The following ZPR1 variants were observed in gnomAD, a reference collection of about 807,000 sequenced individuals.
The protein encoded by ZPR1 is ZPR1 zinc finger.
Under a neutral mutation model 59.6 loss-of-function variants are expected in ZPR1, and 37 were observed. The observed-to-expected ratio is 0.62, with a 90% confidence interval of 0.48 to 0.82. The LOEUF is 0.82. ZPR1 is among the 40% of genes least tolerant of loss of function. The pLI is 0.00. For synonymous variants in ZPR1, 191 were observed against 215.2 expected (o/e 0.89, Z 0.99); for missense variants, 527 against 579.9 (o/e 0.91, Z 0.94).
Position 116,778,618 on chromosome 11 carries a change from A to G in ZPR1, c.*307T>C. 3.3e-6 allele frequency: 1 copy of G among 300,618 alleles called. No homozygotes were observed. The highest frequency in any genetic ancestry group is 6.2e-6 in the Non-Finnish European group (1 of 160,656). 18.6% of individuals were successfully genotyped at this position (300,618 alleles called of 1,614,324 possible). On this transcript the variant is annotated 3_prime_UTR_variant, in exon 14 of 14. Coordinates refer to ENST00000227322, the MANE Select transcript of ZPR1 (RefSeq NM_003904.5). ...TCAGAGTTCCAACCTTAGAGGATAG[A>G]GCATTATGTGGAAGGAGGGTGAGGA...
At position 116,775,048 on chromosome 11, in the gene ZPR1, G is replaced by A. The variant is rs1940703892; in HGVS notation, c.*3877C>T. On this transcript the variant is annotated 3_prime_UTR_variant, in exon 14 of 14. Transcript: ENST00000227322. ...TGCCAATGGCCTGCTCTGAGCTTTG[G>A]CCTCTCTCTGCAGTTGTATCTAATA... is the stretch of plus-strand genomic sequence containing the variant. The A allele has an allele frequency of 6.6e-6, 1 of 152,366 alleles. No individual in the cohort carries two copies. The highest frequency in any genetic ancestry group is 2.1e-4 in the South Asian group (1 of 4,830). The allele number at this position is 152,366 out of a possible 1,614,324, so 9.4% of individuals were successfully genotyped here.
rs1940896994 is a variant in ZPR1, at chr11:116,786,969, C to A, written c.424G>T (p.Ala142Ser). The change falls in exon 3 of 14, where the codon GCT (alanine) becomes TCT (serine). Residue 142 changes from alanine to serine, a missense_variant and splice_region_variant. Coordinates refer to ENST00000227322, the MANE Select transcript of ZPR1 (RefSeq NM_003904.5). ...FEIPAFSQKG[A>S]LTTVEGLITR... The stretch of plus-strand genomic sequence containing the variant: ...CCAAATACTCTGATCTTAAACTTAC[C>A]TCCTTTCTGGCTAAAGGCAGGAATT... 1.2e-6 allele frequency: 2 copies of A among 1,613,536 alleles called. No homozygotes were observed. The highest frequency in any genetic ancestry group is 2.7e-5 in the African/African-American group (2 of 74,940).
At chr11:116,784,310 G>A (rs1940853386) in intron 9 of ZPR1, 68 bp downstream of exon 9, 14 of 1,547,506 alleles carry the variant, frequency 9.0e-6, no homozygotes, top group Non-Finnish European at 1.2e-5. Flanking sequence ...AAGTACTTAG[G>A]AAGAATGATA....
At chr11:116,785,425 G>A in intron 6 of ZPR1, 89 bp downstream of exon 6, 2 of 1,549,240 alleles carry the variant, frequency 1.3e-6, no homozygotes, top group South Asian at 2.4e-5. Flanking sequence ...ACACAGAGCA[G>A]CAGCAGCAAA....
chr11:116,783,861 A>G (rs978520875), intron 9 of ZPR1, among the ~76,000 whole-genome samples: 3 of 56,024 alleles, frequency 5.4e-5, no homozygotes, highest in African/African-American at 2.0e-4. Context: ...AATTTACCTT[A>G]AAAAAAAAAA....
chr11:116,785,893 CAG>C lies in ZPR1; in HGVS notation c.496-13_496-12del. On this transcript the variant is annotated splice_polypyrimidine_tract_variant and intron_variant, in intron 4 of 13. Coordinates refer to ENST00000227322, the MANE Select transcript of ZPR1 (RefSeq NM_003904.5). ...AGCATCTTTGTTTGCCTGCCATGAA[CAG>C]AGAGTAAAGCATCAGCCCTGGTGGT... 1 of 1,613,500 alleles carries C rather than the reference CAG, an allele frequency of 6.2e-7. No individual in the cohort carries two copies. The highest frequency in any genetic ancestry group is 8.5e-7 in the Non-Finnish European group (1 of 1,179,430).
Position 116,787,936 on chromosome 11 carries a change from A to G in ZPR1, c.55T>C (p.Ser19Pro), listed in dbSNP as rs1940919376. The change falls in exon 1 of 14, where the codon TCG becomes CCG. Residue 19 changes from serine to proline, a missense_variant. Physicochemically the swap from Ser to Pro is moderately conservative, Grantham distance 74 (BLOSUM62 -1). Coordinates refer to ENST00000227322, the MANE Select transcript of ZPR1 (RefSeq NM_003904.5). ...PGPPGAAVAP[S>P]PAPAPPPAPD... ...GCAGGCGGCGGGGCCGGGGCGGGCG[A>G]CGGGGCGACGGCAGCCCCCGGGGGC... 4 of 1,476,696 alleles carry G rather than the reference A, an allele frequency of 2.7e-6. No individual in the cohort carries two copies. Among genetic ancestry groups the G allele is most frequent in the Non-Finnish European group, 3.6e-6 (4 of 1,121,106 alleles). 91.5% of individuals were successfully genotyped at this position (1,476,696 alleles called of 1,614,324 possible).
chr11:116,787,779 G>A lies in ZPR1; in HGVS notation c.171+41C>T, dbSNP rs1193229508. The A allele has an allele frequency of 1.5e-5, 23 of 1,530,402 alleles. No individual in the cohort carries two copies. In the East Asian group the frequency reaches 5.6e-4, roughly 37 times the overall value. The allele number at this position is 1,530,402 out of a possible 1,614,324, so 94.8% of individuals were successfully genotyped here. On this transcript the variant is annotated intron_variant, in intron 1 of 13. Coordinates refer to ENST00000227322, the MANE Select transcript of ZPR1 (RefSeq NM_003904.5). ...TGACCCCCGGCTCGTCCCGGCACAA[G>A]CCCTACCCACCCGCCGCTCGCGGCC...
intron 2 of ZPR1, 73 bp from the exon 3 acceptor site, chr11:116,787,132 C>T: frequency 7.4e-7 from 1 of 1,343,136 alleles, no homozygotes; most frequent in Non-Finnish European, 1.1e-6. Flanking sequence ...ACCAGACCGT[C>T]CCCTTCCATC....
intron 4 of ZPR1, 99 bp downstream of exon 4, chr11:116,786,412 C>A (rs1033899086): frequency 8.9e-6 from 12 of 1,351,568 alleles, no homozygotes; most frequent in African/African-American, 2.9e-5. Flanking sequence ...GCTTACCCAG[C>A]AAGTTTCCAA....
chr11:116,782,085 A>C (rs2134194909), intron 12 of ZPR1, 73 bp downstream of exon 12: 1 of 1,133,664 alleles, frequency 8.8e-7, no homozygotes, highest in South Asian at 1.3e-5. Flanking sequence ...AAAAGTGGCA[A>C]GACATGAGCA....
chr11:116,785,409 T>C (rs1415969808), intron 6 of ZPR1, 105 bp downstream of exon 6: 2 of 1,498,894 alleles, frequency 1.3e-6, no homozygotes. Context: ...CAAGCTGAGA[T>C]AGGGCACACA....
rs1248521196 is a variant in ZPR1 at position 116,776,954 on chromosome 11, T to G, written c.*1971A>C. The G allele has an allele frequency of 6.6e-6, 1 of 152,194 alleles. No homozygotes were observed. Among genetic ancestry groups the G allele is most frequent in the Admixed American group, 6.5e-5 (1 of 15,284 alleles). The allele number at this position is 152,194 out of a possible 1,614,324, so 9.4% of individuals were successfully genotyped here. ...AGAAGTTTGCCCAAAGTACTGAAGC[T>G]TTATAGTTTGAATGAGTCATTTGCT... On this transcript the variant is annotated 3_prime_UTR_variant, in exon 14 of 14. Transcript: ENST00000227322.
At position 116,785,519 on chromosome 11, in the gene ZPR1, G is replaced by T; in HGVS notation, c.700C>A (p.Leu234Ile). The change falls in exon 6 of 14, where the codon CTT becomes ATT. Residue 234 changes from leucine to isoleucine, a missense_variant. Leu to Ile is a conservative substitution (Grantham distance 5). Coordinates refer to ENST00000227322, the MANE Select transcript of ZPR1 (RefSeq NM_003904.5). ...RTRQQEEMLG[L>I]QEEAPAEKPE... Reference sequence around the variant, plus strand: ...GGATCCTTCAGTCCACTTACTTGAAGCCCCAGCATCTCTTCCTGCTGTCGG... The same window carrying T: ...GGATCCTTCAGTCCACTTACTTGAATCCCCAGCATCTCTTCCTGCTGTCGG... The T allele has an allele frequency of 6.2e-7, 1 of 1,613,894 alleles. No homozygotes were observed.
At position 116,783,516 on chromosome 11, in the gene ZPR1, A is replaced by G; in HGVS notation, c.981+14T>C. On this transcript the variant is annotated intron_variant, in intron 10 of 13. Coordinates refer to ENST00000227322, the MANE Select transcript of ZPR1 (RefSeq NM_003904.5). ...TTATGAGGACAACAGTGACTTTCCC[A>G]AGCAGACTGTTACCTTGAGGAGGTC... The G allele has an allele frequency of 6.2e-7, 1 of 1,608,666 alleles. No individual in the cohort carries two copies. Among genetic ancestry groups the G allele is most frequent in the South Asian group, 1.1e-5 (1 of 90,976 alleles).
chr11:116,781,809 G>A (rs749621022), intron 12 of ZPR1, among the ~76,000 whole-genome samples: 8 of 152,134 alleles, frequency 5.3e-5, no homozygotes, highest in African/African-American at 1.9e-4. Flanking sequence ...TCAGGAGTTC[G>A]AGACCAGTCT....
intron 9 of ZPR1, among the ~76,000 whole-genome samples, chr11:116,784,021 T>A (rs1940849629): frequency 6.6e-6 from 1 of 152,174 alleles, no homozygotes; most frequent in South Asian, 2.1e-4. Context: ...GGAAGGGAAT[T>A]TATAATTCTC....
chr11:116,774,576 G>C lies in ZPR1; in HGVS notation c.*4349C>G, dbSNP rs1051495266. 1 of 152,094 alleles carries C rather than the reference G, an allele frequency of 6.6e-6. No individual in the cohort carries two copies. The highest frequency in any genetic ancestry group is 2.4e-5 in the African/African-American group (1 of 41,410). The allele number at this position is 152,094 out of a possible 1,614,324, so 9.4% of individuals were successfully genotyped here. On this transcript the variant is annotated 3_prime_UTR_variant, in exon 14 of 14. Coordinates refer to ENST00000227322, the MANE Select transcript of ZPR1 (RefSeq NM_003904.5). ...TCTTTACTCATATAATACAAAACAGGCTTGGGGATCAGTCTTGAAGCATGA... is the reference window on the plus strand; with the variant it reads ...TCTTTACTCATATAATACAAAACAGCCTTGGGGATCAGTCTTGAAGCATGA...
At position 116,786,547 on chromosome 11, in the gene ZPR1, A is replaced by T. The variant is rs200552379; in HGVS notation, c.459T>A (p.Ala153=). ...LTTVEGLITR[A]ISGLEQDQPA... The stretch of plus-strand genomic sequence containing the variant: ...GCTGGTCCTGCTCCAGGCCAGAGAT[A>T]GCACGGGTGATCAATCCTTCAACAG... The change falls in exon 4 of 14, where the codon GCT becomes GCA. Residue 153 remains alanine (A), a synonymous_variant. Coordinates refer to ENST00000227322, the MANE Select transcript of ZPR1 (RefSeq NM_003904.5). 2 of 1,614,246 alleles carry T rather than the reference A, an allele frequency of 1.2e-6. No individual in the cohort carries two copies. Among genetic ancestry groups the T allele is most frequent in the Admixed American group, 3.3e-5 (2 of 60,030 alleles).
Sources: allele counts gnomAD v4.1 joint callset (sites outside exome capture counted in the v4.1 genomes callset), GRCh38; gene constraint gnomAD v4.1.1; transcripts MANE v1.5; gene names NCBI Gene and HGNC (gene_info 2026-07-23, HGNC 2026-07-21).